The following SEC61A1 variants were observed in gnomAD, a reference collection of about 807,000 sequenced individuals.
The protein encoded by SEC61A1 is SEC61 translocon subunit alpha 1.
Under a neutral mutation model 55.2 loss-of-function variants are expected in SEC61A1, and 15 were observed. That is an observed-to-expected ratio of 0.27 (90% CI 0.18 to 0.42). The LOEUF is 0.42. Among genes scored for constraint, SEC61A1 ranks in the 10% least tolerant of loss-of-function variants. The pLI, the probability that SEC61A1 is intolerant of heterozygous loss-of-function variation, is 1.00. For missense variants in SEC61A1, 284 were observed against 602.6 expected (o/e 0.47, Z 5.53); for synonymous variants, 247 against 234.0 (o/e 1.06, Z -0.51).
At chr3:128,055,490 C>T (rs1230554440) in intron 2 of SEC61A1, 26 bp from the exon 3 acceptor site, 1 of 1,577,014 alleles carries the variant, frequency 6.3e-7, no homozygotes, top group Admixed American at 1.7e-5. Context: ...TAACTCCCTG[C>T]TTCAATTCAT....
At chr3:128,053,320 C>CA (rs1257270159) in intron 2 of SEC61A1, among the ~76,000 whole-genome samples, 2 of 152,162 alleles carry the variant, frequency 1.3e-5, no homozygotes, top group Non-Finnish European at 2.9e-5. Flanking sequence ...GAAGGGCTGT[C>CA]ACTTTAGTAT....
intron 5 of SEC61A1, 95 bp downstream of exon 5, chr3:128,056,935 TTA>T: frequency 2.1e-6 from 2 of 948,928 alleles, no homozygotes; most frequent in African/African-American, 1.7e-5. Context: ...TATTTATTTT[TTA>T]TTTTTTTTTT....
chr3:128,059,089 C>G (rs1941817569), intron 5 of SEC61A1, among the ~76,000 whole-genome samples: 1 of 152,080 alleles, frequency 6.6e-6, no homozygotes, highest in Non-Finnish European at 1.5e-5. Flanking sequence ...CTTAGAGGAC[C>G]CATCTAGTAC....
intron 1 of SEC61A1, 24 bp downstream of exon 1, chr3:128,052,583 T>G: frequency 6.3e-7 from 1 of 1,593,560 alleles, no homozygotes; most frequent in Non-Finnish European, 8.5e-7. Flanking sequence ...GGAAGCCCTA[T>G]TGAGGCCGGG....
chr3:128,052,737 C>A (rs1207735687), intron 1 of SEC61A1, 98 bp from the exon 2 acceptor site: 1 of 1,493,240 alleles, frequency 6.7e-7, no homozygotes, highest in African/African-American at 1.4e-5. Flanking sequence ...TCCCCTGGCC[C>A]CTGCTCTCAC....
chr3:128,064,191 A>G (rs1288717617), intron 7 of SEC61A1, among the ~76,000 whole-genome samples: 3 of 152,222 alleles, frequency 2.0e-5, no homozygotes, highest in Non-Finnish European at 4.4e-5. Context: ...TGTCCAGGAA[A>G]GTAGATTTGC....
chr3:128,061,560 G>A (rs897025525), intron 7 of SEC61A1, among the ~76,000 whole-genome samples: 8 of 152,202 alleles, frequency 5.3e-5, no homozygotes, highest in African/African-American at 1.9e-4. Context: ...TTAATGAGAT[G>A]GAAAACTGGT....
chr3:128,051,981 TAGA>T (rs1559792956), upstream of SEC61A1: 20 of 1,183,340 alleles, frequency 1.7e-5, no homozygotes, highest in Admixed American at 4.0e-4. Context: ...GGCGCCGCGG[TAGA>T]CGCTGGGATA....
At chr3:128,051,930 G>A (rs1200379450), upstream of SEC61A1, 7 of 1,519,566 alleles carry the variant, frequency 4.6e-6, no homozygotes, top group South Asian at 1.2e-5. Flanking sequence ...ACCAGCCCGC[G>A]CCCTACTCAG....
In SEC61A1 at chr3:128,059,050, G is replaced by A. The variant is rs542466617; in HGVS notation, c.353-1052G>A. 5.3e-5 allele frequency among the ~76,000 whole-genome samples: 8 copies of A among 151,988 alleles called. No individual in the cohort carries two copies. The South Asian group carries it at 1.7e-3, about 32-fold the overall frequency. On this transcript the variant is annotated intron_variant, in intron 5 of 11. Transcript: ENST00000243253. ...TTAATTTTACATGACAGATTAAATA[G>A]GAAAGCTGAAACTGAAGGTCAGACT...
intron 7 of SEC61A1, among the ~76,000 whole-genome samples, chr3:128,061,351 T>G (rs181321109): frequency 2.6e-5 from 4 of 152,348 alleles, no homozygotes; most frequent in Admixed American, 1.3e-4. Flanking sequence ...ACAGCATGTT[T>G]TTAATAAAAA....
intron 11 of SEC61A1, chr3:128,068,985 G>A (rs1179319026): frequency 6.6e-6 from 1 of 152,470 alleles, no homozygotes; most frequent in Admixed American, 6.5e-5. Context: ...AGCAGGGATG[G>A]TAGGCAATTT....
intron 2 of SEC61A1, among the ~76,000 whole-genome samples, chr3:128,053,857 T>C (rs1192926339): frequency 6.6e-6 from 1 of 152,146 alleles, no homozygotes; most frequent in Non-Finnish European, 1.5e-5. Flanking sequence ...GTGCAAGGTA[T>C]AGCAGTGGCT....
In SEC61A1 at chr3:128,056,807, A is replaced by G. The variant is rs1941778602; in HGVS notation, c.319A>G (p.Lys107Glu). The G allele has an allele frequency of 6.2e-7, 1 of 1,609,690 alleles. No homozygotes were observed. ...AKIIEVGDTP[K>E]DRALFNGAQK... is the part of the protein sequence containing the mutation. ...GATAATTGAAGTTGGTGACACCCCA[A>G]AAGACCGAGCTCTCTTCAACGGAGC... Residue 107 changes from lysine (K) to glutamate (E), a missense_variant, in exon 5 of 12, where the codon AAA becomes GAA. Transcript: ENST00000243253.
At chr3:128,054,273 A>C (rs1941736932) in intron 2 of SEC61A1, among the ~76,000 whole-genome samples, 1 of 152,194 alleles carries the variant, frequency 6.6e-6, no homozygotes, top group African/African-American at 2.4e-5. Context: ...TTTGATTGTA[A>C]CCAGGAGAGA....
At chr3:128,054,912 T>C (rs964983027) in intron 2 of SEC61A1, among the ~76,000 whole-genome samples, 1 of 152,218 alleles carries the variant, frequency 6.6e-6, no homozygotes, top group African/African-American at 2.4e-5. Flanking sequence ...ATGCAACCTA[T>C]GTACCTGAGA....
intron 5 of SEC61A1, among the ~76,000 whole-genome samples, chr3:128,057,802 G>A (rs932388096): frequency 1.3e-5 from 2 of 151,532 alleles, no homozygotes; most frequent in Admixed American, 1.3e-4. Context: ...AGAGGTTGCA[G>A]TGAGCCGAGA....
In SEC61A1 at chr3:128,069,864, G is replaced by T; in HGVS notation, c.*202G>T. The T allele has an allele frequency of 1.7e-6, 1 of 573,000 alleles. No individual in the cohort carries two copies. Among genetic ancestry groups the T allele is most frequent in the Non-Finnish European group, 3.1e-6 (1 of 325,512 alleles). The allele number at this position is 573,000 out of a possible 1,614,324, so 35.5% of individuals were successfully genotyped here. Reference sequence around the variant, plus strand: ...TCCTGGCACTGGCAAAAAGAACTGTGAAAGTGAAATTTTATTCAGCCGACT... The same window carrying T: ...TCCTGGCACTGGCAAAAAGAACTGTTAAAGTGAAATTTTATTCAGCCGACT... On this transcript the variant is annotated 3_prime_UTR_variant, in exon 12 of 12. Coordinates refer to ENST00000243253, the MANE Select transcript of SEC61A1 (RefSeq NM_013336.4).
chr3:128,051,824 C>T (rs930161595), upstream of SEC61A1: 5 of 1,535,652 alleles, frequency 3.3e-6, no homozygotes, highest in Non-Finnish European at 4.4e-6. Flanking sequence ...TCCAGAAACT[C>T]ATCCCATTCG....
Sources: allele counts gnomAD v4.1 joint callset (sites outside exome capture counted in the v4.1 genomes callset), GRCh38; gene constraint gnomAD v4.1.1; transcripts MANE v1.5; gene names NCBI Gene and HGNC (gene_info 2026-07-23, HGNC 2026-07-21).